The following SNX29 variants were observed in gnomAD, a reference collection of about 807,000 sequenced individuals.
The protein encoded by SNX29 is sorting nexin 29.
SNX29 carries 78 observed loss-of-function variants against 102.1 expected under a neutral mutation model. The ratio of observed to expected loss-of-function variants is 0.76; its 90% CI spans 0.64 to 0.92. The LOEUF (loss-of-function observed/expected upper bound fraction) is 0.92, where lower values mean the gene tolerates loss of function less well. SNX29 is among the 40% of genes least tolerant of loss of function. The probability of loss-of-function intolerance (pLI) is 0.00; values close to 1 mark genes in which losing one functional copy is unlikely to be tolerated. For synonymous variants in SNX29, 580 were observed against 414.5 expected, an observed-to-expected ratio of 1.40 and a Z score of -4.85; for missense variants, 1,280 against 1,061.7, an observed-to-expected ratio of 1.21 and a Z score of -2.86.
At chr16:12,265,947 A>G (rs1567375230) in intron 14 of SNX29, among the ~76,000 whole-genome samples, 1 of 152,016 alleles carries the variant, frequency 6.6e-6, no homozygotes, top group Non-Finnish European at 1.5e-5. Flanking sequence ...AGTAATTTCT[A>G]TTTTTCTCAT....
rs763100105 is a variant in SNX29 at position 12,027,332 on chromosome 16, G to A, written c.135G>A (p.Leu45=). The change falls in exon 4 of 21, where the codon CTG becomes CTA. Residue 45 remains leucine (L), a synonymous_variant. Transcript: ENST00000566228. ...ASDSDSRVTC[L]CAQFEAVLQH... The stretch of plus-strand genomic sequence containing the variant: ...GGTTTTCTCACAGGGTCACCTGTCT[G>A]TGTGCCCAGTTTGAAGCCGTCCTGC... The A allele has an allele frequency of 6.2e-7, 1 of 1,613,724 alleles. No individual in the cohort carries two copies. Among genetic ancestry groups the A allele is most frequent in the Non-Finnish European group, 8.5e-7 (1 of 1,179,862 alleles).
chr16:12,345,597 A>G (rs1054317385), intron 15 of SNX29, among the ~76,000 whole-genome samples: 6 of 152,190 alleles, frequency 3.9e-5, no homozygotes, highest in Non-Finnish European at 7.3e-5. Flanking sequence ...GAAAACAGTA[A>G]CTGTTGTTGC....
At chr16:12,051,442 T>A (rs1032986193) in intron 7 of SNX29, among the ~76,000 whole-genome samples, 1 of 152,122 alleles carries the variant, frequency 6.6e-6, no homozygotes, top group Non-Finnish European at 1.5e-5. Flanking sequence ...AAAGGGGCAT[T>A]GCACAGGAAT....
Position 12,572,986 on chromosome 16 carries a change from A to C in SNX29, c.*4357A>C, listed in dbSNP as rs2079219964. The C allele has an allele frequency of 4.9e-6, 2 of 410,054 alleles. No homozygotes were observed. Among genetic ancestry groups the C allele is most frequent in the Non-Finnish European group, 7.1e-6 (2 of 281,012 alleles). The allele number at this position is 410,054 out of a possible 1,614,324, so 25.4% of individuals were successfully genotyped here. A position where few individuals can be genotyped will look rare whatever the true frequency, so the allele number is the denominator to read the frequency against. Reference sequence around the variant, plus strand: ...AGATTTTTCAAAATATTGTGCATTAATTCATTAAAGCTACTGTTAAATATT... The same window carrying C: ...AGATTTTTCAAAATATTGTGCATTACTTCATTAAAGCTACTGTTAAATATT... On this transcript the variant is annotated 3_prime_UTR_variant, in exon 21 of 21. Coordinates refer to ENST00000566228, the MANE Select transcript of SNX29 (RefSeq NM_032167.5).
intron 16 of SNX29, among the ~76,000 whole-genome samples, chr16:12,370,915 G>T (rs139798211): frequency 6.6e-6 from 1 of 152,302 alleles, no homozygotes; most frequent in Non-Finnish European, 1.5e-5. Flanking sequence ...CAAGCCATTG[G>T]CTCCCTTTGA....
At position 12,571,844 on chromosome 16, in the gene SNX29, C is replaced by A. The variant is rs1404607096; in HGVS notation, c.*3215C>A. ...TTGATTCCCACTTAGCAGTATGCTC[C>A]AATCACGTTGCTGGCAAGGCATTTT... On this transcript the variant is annotated 3_prime_UTR_variant, in exon 21 of 21. Coordinates refer to ENST00000566228, the MANE Select transcript of SNX29 (RefSeq NM_032167.5). The A allele has an allele frequency of 4.7e-6, 5 of 1,054,810 alleles. No homozygotes were observed. In the East Asian group the frequency reaches 1.5e-4, roughly 32 times the overall value. The allele number at this position is 1,054,810 out of a possible 1,614,324, so 65.3% of individuals were successfully genotyped here. A position where few individuals can be genotyped will look rare whatever the true frequency, so the allele number is the denominator to read the frequency against.
At chr16:12,387,831 C>A (rs1214066290) in intron 16 of SNX29, among the ~76,000 whole-genome samples, 1 of 152,156 alleles carries the variant, frequency 6.6e-6, no homozygotes, top group Admixed American at 6.5e-5. Flanking sequence ...TACTTCCATG[C>A]CTCCATGCCT....
At chr16:12,407,402 A>G (rs577435219) in intron 18 of SNX29, among the ~76,000 whole-genome samples, 2 of 151,588 alleles carry the variant, frequency 1.3e-5, no homozygotes, top group Admixed American at 6.6e-5. Context: ...TCCATTTACC[A>G]TGGTGATGTA....
chr16:12,157,117 C>T (rs893793991), intron 13 of SNX29, among the ~76,000 whole-genome samples: 4 of 152,090 alleles, frequency 2.6e-5, no homozygotes, highest in East Asian at 3.9e-4. Flanking sequence ...GGTGGGCAGC[C>T]GGAGAGTCCC....
chr16:12,566,219 T>G (rs903323585), intron 20 of SNX29, among the ~76,000 whole-genome samples: 1 of 152,250 alleles, frequency 6.6e-6, no homozygotes, highest in Non-Finnish European at 1.5e-5. Context: ...GATATGCTTA[T>G]GGTTGTCATC....
chr16:12,438,103 C>T (rs955065345), intron 18 of SNX29, among the ~76,000 whole-genome samples: 1 of 152,176 alleles, frequency 6.6e-6, no homozygotes, highest in Admixed American at 6.5e-5. Context: ...CAGAGATTCA[C>T]CTCTTGGCCT....
At position 12,048,514 on chromosome 16, in the gene SNX29, G is replaced by T. The variant is rs778057538; in HGVS notation, c.642G>T (p.Val214=). 2.5e-6 allele frequency: 4 copies of T among 1,613,904 alleles called. No homozygotes were observed. The highest frequency in any genetic ancestry group is 3.4e-6 in the Non-Finnish European group (4 of 1,179,858). Residue 214 remains valine, a synonymous_variant, in exon 7 of 21, where the codon GTG becomes GTT. Coordinates refer to ENST00000566228, the MANE Select transcript of SNX29 (RefSeq NM_032167.5). The part of the protein sequence containing the change: ...TSLLKESTQG[V]SSLFREITAS... Reference sequence around the variant, plus strand: ...TGCTGAAGGAGTCCACGCAAGGAGTGAGCAGCCTGTTCAGGGAGATCACAG... The same window carrying T: ...TGCTGAAGGAGTCCACGCAAGGAGTTAGCAGCCTGTTCAGGGAGATCACAG...
intron 19 of SNX29, among the ~76,000 whole-genome samples, chr16:12,502,774 C>G (rs2089187344): frequency 6.6e-6 from 1 of 152,206 alleles, no homozygotes; most frequent in Non-Finnish European, 1.5e-5. Context: ...GGTACCTCCT[C>G]CTTTGTCCCC....
intron 15 of SNX29, among the ~76,000 whole-genome samples, chr16:12,312,309 C>T (rs2080583602): frequency 6.6e-6 from 1 of 152,210 alleles, no homozygotes; most frequent in Non-Finnish European, 1.5e-5. Flanking sequence ...GCTTGCTCCT[C>T]TCTGAATTTC....
intron 14 of SNX29, among the ~76,000 whole-genome samples, chr16:12,205,759 C>A (rs771838184): frequency 6.6e-6 from 1 of 152,184 alleles, no homozygotes; most frequent in Non-Finnish European, 1.5e-5. Context: ...GTATCTTGGT[C>A]ATTGATTTTC....
At chr16:12,356,936 C>G (rs1229571244) in intron 16 of SNX29, among the ~76,000 whole-genome samples, 2 of 152,240 alleles carry the variant, frequency 1.3e-5, no homozygotes, top group Non-Finnish European at 2.9e-5. Context: ...AGAATCACCC[C>G]TGGTTGAGAT....
intron 14 of SNX29, among the ~76,000 whole-genome samples, chr16:12,275,128 C>T (rs2151002776): frequency 6.6e-6 from 1 of 152,320 alleles, no homozygotes; most frequent in East Asian, 1.9e-4. Context: ...TGATCCAAAG[C>T]TCCGTGAACT....
Position 12,572,257 on chromosome 16 carries a change from T to C in SNX29, c.*3628T>C. The C allele has an allele frequency of 9.5e-7, 1 of 1,056,218 alleles. No individual in the cohort carries two copies. Among genetic ancestry groups the C allele is most frequent in the Non-Finnish European group, 1.1e-6 (1 of 871,752 alleles). 65.4% of individuals were successfully genotyped at this position (1,056,218 alleles called of 1,614,324 possible). The stretch of plus-strand genomic sequence containing the variant: ...GTTTACACCAGGTGGATTGATACCA[T>C]GGCTGTAGCTGATGCAACTAACAAG... On this transcript the variant is annotated 3_prime_UTR_variant, in exon 21 of 21. Coordinates refer to ENST00000566228, the MANE Select transcript of SNX29 (RefSeq NM_032167.5).
rs1300424628 is a variant in SNX29 at position 12,013,498 on chromosome 16, AAAATATATATATATAT to A, written c.122+10457_122+10472del. ...CTGTCTCTACTGGGGGAAAAAAAAAAAAATATATATATATATATATATATATATATATATATATATA... is the reference window on the plus strand; with the variant it reads ...CTGTCTCTACTGGGGGAAAAAAAAAAATATATATATATATATATATATATA... On this transcript the variant is annotated intron_variant, in intron 3 of 20. Coordinates refer to ENST00000566228, the MANE Select transcript of SNX29 (RefSeq NM_032167.5). 6.9e-4 allele frequency among the ~76,000 whole-genome samples: 23 copies of A among 33,506 alleles called. 3 individuals carry two copies. In the South Asian group the frequency reaches 0.018, roughly 26 times the overall value. 22.0% of individuals were successfully genotyped at this position (33,506 alleles called of 152,430 possible). A position where few individuals can be genotyped will look rare whatever the true frequency, so the allele number is the denominator to read the frequency against.
Sources: gnomAD v4.1 joint callset for allele counts (sites outside exome capture counted in the v4.1 genomes callset) on GRCh38, gnomAD v4.1.1 for gene constraint, MANE v1.5 for transcripts, NCBI Gene and HGNC (gene_info 2026-07-23, HGNC 2026-07-21) for gene names.